The following CALN1 variants were observed in gnomAD, a reference collection of about 807,000 sequenced individuals.
CALN1 encodes calneuron 1.
Under a neutral mutation model 30.6 loss-of-function variants are expected in CALN1, and 17 were observed. That is an observed-to-expected ratio of 0.56 (90% CI 0.38 to 0.83). The LOEUF (loss-of-function observed/expected upper bound fraction) is 0.83. CALN1 is among the 40% of genes least tolerant of loss of function. CALN1 has a pLI of 0.00. For synonymous variants in CALN1, 156 were observed against 131.4 expected, an observed-to-expected ratio of 1.19 and a Z score of -1.28; for missense variants, 291 against 354.9, an observed-to-expected ratio of 0.82 and a Z score of 1.45.
chr7:72,023,166 T>C (rs1215055759), intron 5 of CALN1, among the ~76,000 whole-genome samples: 1 of 152,192 alleles, frequency 6.6e-6, no homozygotes, highest in African/African-American at 2.4e-5. Context: ...TGTTAGATGT[T>C]TGGAATTTCC....
intron 2 of CALN1, among the ~76,000 whole-genome samples, chr7:72,351,674 A>C (rs1163717116): frequency 2.0e-5 from 3 of 152,236 alleles, no homozygotes; most frequent in African/African-American, 7.2e-5. Context: ...GTTAAACCCC[A>C]GAACACAAAG....
chr7:72,087,991 C>A (rs1189820523), intron 4 of CALN1, among the ~76,000 whole-genome samples: 4 of 151,994 alleles, frequency 2.6e-5, no homozygotes, highest in South Asian at 2.1e-4. Flanking sequence ...AGTAAGACCC[C>A]GCCTCTACCA....
chr7:72,363,423 G>A (rs570083999), intron 2 of CALN1, among the ~76,000 whole-genome samples: 100 of 152,132 alleles, frequency 6.6e-4, no homozygotes, highest in African/African-American at 2.3e-3. Context: ...ATTTTTAGTA[G>A]AGAAGGGGTT....
chr7:72,257,303 G>C (rs984755755), intron 3 of CALN1, among the ~76,000 whole-genome samples: 7 of 152,198 alleles, frequency 4.6e-5, no homozygotes, highest in African/African-American at 1.7e-4. Context: ...ATGAGGTTTG[G>C]GTGGGGATAC....
intron 5 of CALN1, among the ~76,000 whole-genome samples, chr7:71,934,266 G>A (rs1795713152): frequency 6.6e-6 from 1 of 152,220 alleles, no homozygotes. Flanking sequence ...AAGGTGTTCT[G>A]TTAAGTGGAA....
At chr7:72,407,517 T>A (rs867062880) in intron 1 of CALN1, among the ~76,000 whole-genome samples, 1 of 152,194 alleles carries the variant, frequency 6.6e-6, no homozygotes, top group Non-Finnish European at 1.5e-5. Flanking sequence ...CAAACAACTT[T>A]GCTGCTTCCC....
At chr7:71,922,773 T>C (rs1322152543) in intron 5 of CALN1, among the ~76,000 whole-genome samples, 2 of 139,524 alleles carry the variant, frequency 1.4e-5, no homozygotes, top group African/African-American at 2.6e-5. Flanking sequence ...GAATATATTA[T>C]ATATAAATAT....
chr7:71,847,719 G>GAAGAAGAAGAAGAAAGAAGA (rs1790357299), intron 5 of CALN1, among the ~76,000 whole-genome samples: 1 of 120,472 alleles, frequency 8.3e-6, no homozygotes, highest in African/African-American at 3.5e-5. Context: ...AAAGAAGAAA[G>GAAGAAGAAGAAGAAAGAAGA]AAGAAGAAAG....
chr7:71,847,817 GA>G (rs1562835823), intron 5 of CALN1, among the ~76,000 whole-genome samples: 2 of 97,602 alleles, frequency 2.0e-5, no homozygotes, highest in Non-Finnish European at 3.8e-5. Context: ...GAAGGAGAAG[GA>G]GAAGGAGAAG....
At chr7:72,246,453 G>A (rs1795162521) in intron 3 of CALN1, among the ~76,000 whole-genome samples, 1 of 152,082 alleles carries the variant, frequency 6.6e-6, no homozygotes. Context: ...GGAAGCCCCA[G>A]GAGCTGCCCT....
intron 4 of CALN1, among the ~76,000 whole-genome samples, chr7:72,071,785 T>G (rs1804412703): frequency 6.6e-6 from 1 of 152,184 alleles, no homozygotes; most frequent in African/African-American, 2.4e-5. Context: ...CAACAAAAAC[T>G]GTCTTTCAAA....
At chr7:72,074,838 C>T (rs1412452480) in intron 4 of CALN1, among the ~76,000 whole-genome samples, 1 of 152,214 alleles carries the variant, frequency 6.6e-6, no homozygotes, top group East Asian at 1.9e-4. Context: ...ATGTGTAGGA[C>T]ATTTAGGCTG....
chr7:72,009,599 T>C (rs1487501512), intron 5 of CALN1, among the ~76,000 whole-genome samples: 1 of 152,186 alleles, frequency 6.6e-6, no homozygotes, highest in African/African-American at 2.4e-5. Context: ...CCCACCCAAA[T>C]CTCATCTTGA....
chr7:72,401,719 G>C (rs1243057377), intron 2 of CALN1, among the ~76,000 whole-genome samples: 3 of 152,144 alleles, frequency 2.0e-5, no homozygotes, highest in African/African-American at 7.2e-5. Context: ...GAACAAATGA[G>C]GAAACATTTT....
chr7:72,352,357 C>G (rs1386180536), intron 2 of CALN1, among the ~76,000 whole-genome samples: 1 of 139,884 alleles, frequency 7.1e-6, no homozygotes, highest in Non-Finnish European at 1.5e-5. Context: ...CCATTGCACT[C>G]CAGCCTGGGT....
rs563706862 is a variant in CALN1, at chr7:72,018,792, T to C, written c.501+4865A>G. On this transcript the variant is annotated intron_variant, in intron 5 of 6. Coordinates refer to ENST00000395275, the MANE Select transcript of CALN1 (RefSeq NM_031468.4). ...TGATTTTATTCTACCCTTGGCACTA[T>C]AGGCTAGAACACCAGTAAGGAAAGC... is the stretch of plus-strand genomic sequence containing the variant. 8.5e-5 allele frequency among the ~76,000 whole-genome samples: 13 copies of C among 152,298 alleles called. 1 individual carries two copies. The highest frequency in any genetic ancestry group is 2.1e-4 in the South Asian group (1 of 4,826).
intron 3 of CALN1, among the ~76,000 whole-genome samples, chr7:72,175,600 G>A (rs976883310): frequency 6.6e-6 from 1 of 152,120 alleles, no homozygotes; most frequent in African/African-American, 2.4e-5. Context: ...TAACCAGGAA[G>A]AATAATCCAC....
At chr7:72,075,766 C>A (rs1345243085) in intron 4 of CALN1, among the ~76,000 whole-genome samples, 1 of 152,194 alleles carries the variant, frequency 6.6e-6, no homozygotes, top group East Asian at 1.9e-4. Context: ...ATAGCTGCAT[C>A]TGGCCCCCTG....
the CALN1 span, among the ~76,000 whole-genome samples, chr7:72,462,173 TG>T: frequency 1.3e-5 from 2 of 151,978 alleles, no homozygotes; most frequent in East Asian, 1.9e-4. Context: ...TATGTATGTA[TG>T]TATGTATTTA....
Sources: allele counts gnomAD v4.1 joint callset (sites outside exome capture counted in the v4.1 genomes callset), GRCh38; gene constraint gnomAD v4.1.1; transcripts MANE v1.5; gene names NCBI Gene and HGNC (gene_info 2026-07-23, HGNC 2026-07-21).